Variants in MYO5B observed in about 807,000 individuals in gnomAD.
MYO5B encodes unconventional myosin-Vb.
A neutral mutation model predicts 229.3 loss-of-function variants in MYO5B; 143 were observed. That is an observed-to-expected ratio of 0.62 (90% CI 0.54 to 0.72). The LOEUF is 0.72. Ranked by LOEUF, MYO5B falls within the 30% of genes least tolerant of loss-of-function variation. MYO5B has a pLI of 0.00. For synonymous variants in MYO5B, 918 were observed against 885.2 expected, an observed-to-expected ratio of 1.04 and a Z score of -0.66; for missense variants, 2,321 against 2,331.0, an observed-to-expected ratio of 1.00 and a Z score of 0.09.
chr18:50,172,609 A>T (rs1302569648), intron 1 of MYO5B, among the ~76,000 whole-genome samples: 1 of 152,226 alleles, frequency 6.6e-6, no homozygotes, highest in African/African-American at 2.4e-5. Flanking sequence ...TATAAAGTGA[A>T]ACTATGGTGA....
Position 49,875,844 on chromosome 18 carries a change from G to A in MYO5B, c.3397-17C>T, listed in dbSNP as rs756298160. On this transcript the variant is annotated splice_polypyrimidine_tract_variant and intron_variant, in intron 25 of 39. Transcript: ENST00000285039. ...GCCAATTTCCTTCAAAGGAAGACAG[G>A]CACAGAAAAAAGGTTTTCCTAAATA... 261 of 1,613,716 alleles carry A rather than the reference G, an allele frequency of 1.6e-4. No homozygotes were observed. The highest frequency in any genetic ancestry group is 1.4e-3 in the Admixed American group (86 of 59,988).
At chr18:50,105,193 A>C (rs1325741389) in intron 1 of MYO5B, among the ~76,000 whole-genome samples, 2 of 147,320 alleles carry the variant, frequency 1.4e-5, no homozygotes, top group Non-Finnish European at 3.0e-5. Context: ...GCAAGAGGTC[A>C]AGGCATGGTA....
intron 1 of MYO5B, among the ~76,000 whole-genome samples, chr18:50,181,386 A>T (rs1401807255): frequency 6.6e-6 from 1 of 152,208 alleles, no homozygotes; most frequent in Non-Finnish European, 1.5e-5. Flanking sequence ...CCAGATGATG[A>T]TGGCTAGTAA....
At chr18:49,883,532 T>G (rs1283023836) in intron 22 of MYO5B, among the ~76,000 whole-genome samples, 1 of 152,198 alleles carries the variant, frequency 6.6e-6, no homozygotes, top group Non-Finnish European at 1.5e-5. Context: ...ATCAAAACAC[T>G]TTTTAAGATG....
At chr18:49,901,713 A>G (rs2024843525) in intron 21 of MYO5B, among the ~76,000 whole-genome samples, 1 of 152,236 alleles carries the variant, frequency 6.6e-6, no homozygotes, top group Non-Finnish European at 1.5e-5. Context: ...AAAGAGGCAG[A>G]CAGACAGATA....
chr18:49,830,829 CAAAAAAA>C (rs59785909), intron 39 of MYO5B, among the ~76,000 whole-genome samples: 33 of 72,952 alleles, frequency 4.5e-4, no homozygotes, highest in Non-Finnish European at 5.9e-4. Flanking sequence ...GACTCTGTCT[CAAAAAAA>C]AAAAAAAAAA....
intron 22 of MYO5B, among the ~76,000 whole-genome samples, chr18:49,891,448 C>T (rs1787555): frequency 0.79 from 120,024 of 151,860 alleles, 47,599 homozygotes; most frequent in East Asian, 0.95. Flanking sequence ...TCCTTAAGAA[C>T]GAGAAGGGTT....
chr18:49,864,308 G>A lies in MYO5B; in HGVS notation c.3676C>T (p.Gln1226Ter). 6.2e-7 allele frequency: 1 copy of A among 1,614,132 alleles called. No homozygotes were observed. The highest frequency in any genetic ancestry group is 1.1e-5 in the South Asian group (1 of 91,076). The change falls in exon 28 of 40, where the codon CAA (glutamine) becomes TAA (stop). Residue 1226 changes from glutamine (Q) to a stop codon, truncating the protein, a stop_gained. Coordinates refer to ENST00000285039, the MANE Select transcript of MYO5B (RefSeq NM_001080467.3). LOFTEE classifies it high-confidence loss of function. ...LNELRKAVAD[Q>*]ATQNNSSHGS... ...TGGCTGGAGTTATTCTGCGTGGCTTGGTCGGCCACGGCTTTCCTCAGCTCA... is the reference window on the plus strand; with the variant it reads ...TGGCTGGAGTTATTCTGCGTGGCTTAGTCGGCCACGGCTTTCCTCAGCTCA...
chr18:49,975,472 T>C (rs1205556543), intron 9 of MYO5B, among the ~76,000 whole-genome samples: 2 of 152,220 alleles, frequency 1.3e-5, no homozygotes, highest in African/African-American at 4.8e-5. Context: ...CATTGTCCTA[T>C]GCTTCCAAGC....
At chr18:50,126,256 C>A (rs1296536957) in intron 1 of MYO5B, among the ~76,000 whole-genome samples, 1 of 152,176 alleles carries the variant, frequency 6.6e-6, no homozygotes, top group Admixed American at 6.5e-5. Context: ...AACAGGGAAA[C>A]AGGTCCTTTA....
chr18:49,888,125 A>C (rs1480282232), intron 22 of MYO5B, among the ~76,000 whole-genome samples: 1 of 152,134 alleles, frequency 6.6e-6, no homozygotes, highest in Non-Finnish European at 1.5e-5. Flanking sequence ...CTATAAAGCA[A>C]AGTTTTTCAG....
At chr18:50,057,299 G>A (rs1437491063) in intron 1 of MYO5B, among the ~76,000 whole-genome samples, 1 of 152,180 alleles carries the variant, frequency 6.6e-6, no homozygotes, top group Admixed American at 6.6e-5. Flanking sequence ...TTGTCACTGA[G>A]TTCCACTCCT....
chr18:50,108,134 C>T (rs1436140315), intron 1 of MYO5B, among the ~76,000 whole-genome samples: 1 of 152,218 alleles, frequency 6.6e-6, no homozygotes, highest in Non-Finnish European at 1.5e-5. Context: ...TCTTGAACAA[C>T]TGGCTTCAAG....
chr18:49,914,148 A>G (rs1277954520), intron 17 of MYO5B, among the ~76,000 whole-genome samples: 1 of 152,154 alleles, frequency 6.6e-6, no homozygotes, highest in African/African-American at 2.4e-5. Context: ...CCGACGGCAG[A>G]GCTAAAACCA....
chr18:49,993,869 C>T (rs1346063820), intron 5 of MYO5B, among the ~76,000 whole-genome samples: 1 of 152,182 alleles, frequency 6.6e-6, no homozygotes, highest in African/African-American at 2.4e-5. Context: ...GCTTACACTG[C>T]CCTCTGAGAT....
chr18:49,872,212 G>A lies in MYO5B; in HGVS notation c.3558C>T (p.Asp1186=). The A allele has an allele frequency of 6.2e-7, 1 of 1,614,080 alleles. No homozygotes were observed. Among genetic ancestry groups the A allele is most frequent in the Non-Finnish European group, 8.5e-7 (1 of 1,179,974 alleles). ...KKVQAEPPQT[D]IDLDPNADLA... is the part of the protein sequence containing the mutation. ...GATCTGCATTCGGGTCCAAATCTAT[G>A]TCAGTCTGTGGTGGTTCCGCCTGCA... Residue 1186 remains aspartate, a synonymous_variant, in exon 27 of 40, where the codon GAC becomes GAT. Coordinates refer to ENST00000285039, the MANE Select transcript of MYO5B (RefSeq NM_001080467.3).
intron 12 of MYO5B, among the ~76,000 whole-genome samples, chr18:49,954,872 C>T (rs1221080112): frequency 6.6e-6 from 1 of 152,248 alleles, no homozygotes; most frequent in Non-Finnish European, 1.5e-5. Flanking sequence ...GGAAAGCCTA[C>T]CTTCCCTCCC....
intron 9 of MYO5B, among the ~76,000 whole-genome samples, chr18:49,979,748 A>T (rs935138054): frequency 6.6e-6 from 1 of 152,292 alleles, no homozygotes; most frequent in African/African-American, 2.4e-5. Context: ...ACAGTTGCAG[A>T]TTCACCTATC....
At chr18:49,904,612 C>T in intron 20 of MYO5B, 60 bp downstream of exon 20, 1 of 1,606,198 alleles carries the variant, frequency 6.2e-7, no homozygotes, top group Non-Finnish European at 8.5e-7. Flanking sequence ...GGCAGTAATT[C>T]ATCTGTTGCC....
Sources: allele counts gnomAD v4.1 joint callset (sites outside exome capture counted in the v4.1 genomes callset), GRCh38; gene constraint gnomAD v4.1.1; transcripts MANE v1.5; gene names NCBI Gene and HGNC (gene_info 2026-07-23, HGNC 2026-07-21).